MACROH2A1: variants seen among roughly 807,000 people sequenced by gnomAD.
The protein encoded by MACROH2A1 is core histone macro-H2A.1.
A neutral mutation model predicts 31.6 loss-of-function variants in MACROH2A1; 2 were observed. That is an observed-to-expected ratio of 0.06 (90% CI 0.03 to 0.20). The LOEUF (loss-of-function observed/expected upper bound fraction) is 0.20, where lower values mean the gene tolerates loss of function less well. MACROH2A1 is among the 10% of genes least tolerant of loss of function. The probability of loss-of-function intolerance (pLI) is 1.00; values close to 1 mark genes in which losing one functional copy is unlikely to be tolerated. For missense variants in MACROH2A1, 230 were observed against 474.0 expected, an observed-to-expected ratio of 0.49 and a Z score of 4.78; for synonymous variants, 169 against 189.6, an observed-to-expected ratio of 0.89 and a Z score of 0.89.
At chr5:135,385,459 AG>A (rs1239002769) in intron 2 of MACROH2A1, among the ~76,000 whole-genome samples, 1 of 152,146 alleles carries the variant, frequency 6.6e-6, no homozygotes, top group Non-Finnish European at 1.5e-5. Flanking sequence ...GGGACATCAC[AG>A]CTCTCAGCAA....
In MACROH2A1 at chr5:135,340,540, A is replaced by AGGAC. The variant is rs547499485; in HGVS notation, c.953+2716_953+2719dup. ...ATAAATATCGTGACCAGAATGGCTG[A>AGGAC]GGACAGGATGTCCAGATGCCAGGGC... is the stretch of plus-strand genomic sequence containing the variant. On this transcript the variant is annotated intron_variant, in intron 8 of 8. Coordinates refer to ENST00000511689, the MANE Select transcript of MACROH2A1 (RefSeq NM_138610.3). Among the ~76,000 whole-genome samples, 510 of 152,306 alleles carry AGGAC rather than the reference A, an allele frequency of 3.3e-3. 5 individuals are homozygous for AGGAC. Among genetic ancestry groups the AGGAC allele is most frequent in the African/African-American group, 0.012 (493 of 41,568 alleles).
chr5:135,348,695 G>A (rs1298316312), intron 6 of MACROH2A1, among the ~76,000 whole-genome samples: 2 of 152,254 alleles, frequency 1.3e-5, no homozygotes, highest in African/African-American at 4.8e-5. Context: ...GTCAATACTG[G>A]TTTGGACTGG....
intron 4 of MACROH2A1, among the ~76,000 whole-genome samples, chr5:135,368,188 C>T (rs1319411287): frequency 1.3e-5 from 2 of 152,350 alleles, no homozygotes; most frequent in South Asian, 2.1e-4. Context: ...CTAAAAGCCA[C>T]AAACAGTGTG....
chr5:135,343,221 C>G (rs1265748934), intron 8 of MACROH2A1, 39 bp downstream of exon 8: 1 of 1,611,396 alleles, frequency 6.2e-7, no homozygotes, highest in Non-Finnish European at 8.5e-7. Context: ...CGCAGAGAGA[C>G]ACACCCATGA....
chr5:135,363,093 G>A (rs1763046236), intron 4 of MACROH2A1, among the ~76,000 whole-genome samples: 1 of 152,122 alleles, frequency 6.6e-6, no homozygotes, highest in Non-Finnish European at 1.5e-5. Context: ...ACTGGGTCTG[G>A]GAGTGGTGGC....
chr5:135,368,221 CAGA>C (rs1335140777), intron 4 of MACROH2A1, among the ~76,000 whole-genome samples: 2 of 152,228 alleles, frequency 1.3e-5, no homozygotes, highest in African/African-American at 4.8e-5. Context: ...TTGGGGTTCA[CAGA>C]AGATGTCCCT....
At chr5:135,341,500 A>ATCTT (rs1320008816) in intron 8 of MACROH2A1, among the ~76,000 whole-genome samples, 4 of 152,352 alleles carry the variant, frequency 2.6e-5, no homozygotes, top group Non-Finnish European at 4.4e-5. Context: ...GCAACCAGAG[A>ATCTT]TCTTTCCCCA....
At chr5:135,385,607 C>T (rs377610203) in intron 2 of MACROH2A1, among the ~76,000 whole-genome samples, 1 of 152,174 alleles carries the variant, frequency 6.6e-6, no homozygotes, top group African/African-American at 2.4e-5. Context: ...GTAGCTTCCC[C>T]ATGTTCTGGG....
At chr5:135,353,249 A>G (rs997962768) in intron 5 of MACROH2A1, 74 of 546,702 alleles carry the variant, frequency 1.4e-4, no homozygotes, top group African/African-American at 1.3e-3. Flanking sequence ...AACTAGGATG[A>G]ATGTTCAGAG....
At chr5:135,395,993 A>C (rs1443864098) in intron 1 of MACROH2A1, among the ~76,000 whole-genome samples, 1 of 152,148 alleles carries the variant, frequency 6.6e-6, no homozygotes, top group Non-Finnish European at 1.5e-5. Context: ...CACAAACACA[A>C]ATGTCATTTA....
intron 1 of MACROH2A1, among the ~76,000 whole-genome samples, chr5:135,395,412 A>G (rs1053635550): frequency 1.3e-5 from 2 of 152,146 alleles, no homozygotes; most frequent in African/African-American, 4.8e-5. Context: ...GCCCCTGAGG[A>G]TAGAGGAGTC....
At position 135,358,924 on chromosome 5, in the gene MACROH2A1, CA is replaced by C. The variant is rs1208641824; in HGVS notation, c.588+1572del. On this transcript the variant is annotated intron_variant, in intron 5 of 8. Transcript: ENST00000511689. The stretch of plus-strand genomic sequence containing the variant: ...GTTCCTGGCTCTTGGGAGAAGCTAG[CA>C]AGATGTCTGTGGTGTTTGCCCCCTC... The C allele has an allele frequency of 3.0e-6, 3 of 985,292 alleles. No individual in the cohort carries two copies. In the African/African-American group the frequency reaches 5.2e-5, roughly 17 times the overall value. The allele number at this position is 985,292 out of a possible 1,614,324, so 61.0% of individuals were successfully genotyped here.
intron 5 of MACROH2A1, chr5:135,355,139 TGG>T (rs1324422068): frequency 1.1e-5 from 5 of 455,936 alleles, no homozygotes; most frequent in Admixed American, 2.4e-5. Flanking sequence ...ACCCCCTCAG[TGG>T]CCTGTATCTG....
intron 1 of MACROH2A1, among the ~76,000 whole-genome samples, chr5:135,390,205 C>T (rs1767024891): frequency 6.6e-6 from 1 of 152,242 alleles, no homozygotes; most frequent in African/African-American, 2.4e-5. Flanking sequence ...TTGCCTCTGC[C>T]TTCTGCCAGC....
chr5:135,360,378 C>CG, intron 5 of MACROH2A1, 119 bp downstream of exon 5: 1 of 691,756 alleles, frequency 1.4e-6, no homozygotes, highest in Non-Finnish European at 2.5e-6. Context: ...ACAGCCCACT[C>CG]TGTCTACCCA....
At chr5:135,357,738 G>A in intron 5 of MACROH2A1, 1 of 984,948 alleles carries the variant, frequency 1.0e-6, no homozygotes, top group Non-Finnish European at 1.2e-6. Flanking sequence ...TCACAGCACT[G>A]ATTTCTTTTT....
chr5:135,351,410 T>G (rs1169999698), intron 6 of MACROH2A1: 2 of 157,534 alleles, frequency 1.3e-5, no homozygotes, highest in Non-Finnish European at 2.8e-5. Flanking sequence ...GGATTTCTCT[T>G]GAAAACCCAG....
intron 8 of MACROH2A1, 47 bp from the exon 9 acceptor site, chr5:135,335,188 C>A: frequency 6.8e-7 from 1 of 1,461,760 alleles, no homozygotes; most frequent in South Asian, 1.2e-5. Context: ...GCCACGGGGG[C>A]TGCAGGACCT....
chr5:135,361,528 A>G (rs894173137), intron 4 of MACROH2A1: 4 of 152,270 alleles, frequency 2.6e-5, no homozygotes, highest in African/African-American at 9.6e-5. Context: ...CATTCAAATA[A>G]ATTGTAGAGT....
Sources: allele counts gnomAD v4.1 joint callset (sites outside exome capture counted in the v4.1 genomes callset), GRCh38; gene constraint gnomAD v4.1.1; transcripts MANE v1.5; gene names NCBI Gene and HGNC (gene_info 2026-07-23, HGNC 2026-07-21).